PIK3AP1: variants seen among roughly 807,000 people sequenced by gnomAD.
PIK3AP1 encodes the protein phosphoinositide 3-kinase adapter protein 1.
PIK3AP1 carries 21 observed loss-of-function variants against 88.1 expected under a neutral mutation model. The ratio of observed to expected loss-of-function variants is 0.24; its 90% CI spans 0.17 to 0.34. PIK3AP1 has a LOEUF of 0.34. Among genes scored for constraint, PIK3AP1 ranks in the 10% least tolerant of loss-of-function variants. The pLI, the probability that PIK3AP1 is intolerant of heterozygous loss-of-function variation, is 1.00. For synonymous variants in PIK3AP1, 398 were observed against 400.0 expected (o/e 1.00, Z 0.06); for missense variants, 828 against 1,035.7 (o/e 0.80, Z 2.75).
chr10:96,621,529 A>C (rs1843083554), intron 11 of PIK3AP1: 1 of 152,288 alleles, frequency 6.6e-6, no homozygotes, highest in South Asian at 2.1e-4. Flanking sequence ...AGATGGTTTA[A>C]CTTAGTGATA....
At chr10:96,681,444 G>T (rs2134263547) in intron 2 of PIK3AP1, among the ~76,000 whole-genome samples, 1 of 152,284 alleles carries the variant, frequency 6.6e-6, no homozygotes, top group Middle Eastern at 3.4e-3. Flanking sequence ...CTAAACCAGG[G>T]CTGCTGGCTC....
intron 15 of PIK3AP1, among the ~76,000 whole-genome samples, chr10:96,603,371 G>A (rs539373218): frequency 6.6e-6 from 1 of 152,276 alleles, no homozygotes; most frequent in Non-Finnish European, 1.5e-5. Flanking sequence ...TGTCTGTGAG[G>A]GTGTTGCCAA....
intron 2 of PIK3AP1, among the ~76,000 whole-genome samples, chr10:96,670,870 C>T (rs74151402): frequency 0.12 from 18,879 of 152,118 alleles, 1,974 homozygotes; most frequent in African/African-American, 0.27. Flanking sequence ...CATCCCACCC[C>T]GAGCAAGCGC....
intron 7 of PIK3AP1, among the ~76,000 whole-genome samples, chr10:96,646,847 T>C (rs1404881642): frequency 1.3e-5 from 2 of 152,202 alleles, no homozygotes; most frequent in African/African-American, 4.8e-5. Flanking sequence ...CAACTTTTCC[T>C]GGTAAGAAAC....
chr10:96,639,315 G>A (rs561125771), intron 8 of PIK3AP1, among the ~76,000 whole-genome samples: 1 of 152,292 alleles, frequency 6.6e-6, no homozygotes, highest in East Asian at 1.9e-4. Flanking sequence ...AACACCTATT[G>A]TGTACAGCAC....
intron 10 of PIK3AP1, among the ~76,000 whole-genome samples, chr10:96,623,922 T>C (rs1396284283): frequency 1.3e-5 from 2 of 152,178 alleles, no homozygotes; most frequent in Non-Finnish European, 2.9e-5. Context: ...CTCTAAGCAG[T>C]AGAACAGCAA....
chr10:96,653,172 C>T (rs192306475), intron 3 of PIK3AP1, among the ~76,000 whole-genome samples: 246 of 151,846 alleles, frequency 1.6e-3, no homozygotes, highest in African/African-American at 5.7e-3. Flanking sequence ...TTTGGGAGGC[C>T]GAGGTGGGTG....
chr10:96,652,119 A>G (rs1028172473), intron 4 of PIK3AP1, among the ~76,000 whole-genome samples: 1 of 152,196 alleles, frequency 6.6e-6, no homozygotes, highest in Non-Finnish European at 1.5e-5. Context: ...GCGGGATGCT[A>G]TACCACAGGA....
Position 96,595,647 on chromosome 10 carries a change from A to G in PIK3AP1, c.2361-13T>C, listed in dbSNP as rs1414770060. 1 of 1,612,278 alleles carries G rather than the reference A, an allele frequency of 6.2e-7. No homozygotes were observed. Among genetic ancestry groups the G allele is most frequent in the Middle Eastern group, 1.7e-4 (1 of 6,048 alleles). ...CCTGGTCGGAGGCCTAAAATGAAAG[A>G]TAAGGCAACTCTATTTAAAAACTAA... On this transcript the variant is annotated splice_polypyrimidine_tract_variant and intron_variant, in intron 16 of 16. Transcript: ENST00000339364.
chr10:96,640,532 A>G (rs1258831956), intron 8 of PIK3AP1, among the ~76,000 whole-genome samples: 1 of 152,234 alleles, frequency 6.6e-6, no homozygotes, highest in Non-Finnish European at 1.5e-5. Context: ...AGATGAGGAG[A>G]TAGTGAAAAC....
intron 8 of PIK3AP1, among the ~76,000 whole-genome samples, chr10:96,630,539 G>A (rs1463446653): frequency 6.6e-6 from 1 of 152,088 alleles, no homozygotes. Context: ...TCCTCATGGA[G>A]TTAGAAAACT....
At chr10:96,600,385 C>T (rs1206764715) in intron 16 of PIK3AP1, among the ~76,000 whole-genome samples, 1 of 152,210 alleles carries the variant, frequency 6.6e-6, no homozygotes, top group African/African-American at 2.4e-5. Flanking sequence ...TTGGTAAGCC[C>T]TCCAATCACC....
chr10:96,715,427 T>A (rs1010964954), intron 1 of PIK3AP1, among the ~76,000 whole-genome samples: 5 of 152,186 alleles, frequency 3.3e-5, no homozygotes, highest in African/African-American at 1.2e-4. Context: ...GCCTGAACTT[T>A]TAGTTATTAA....
chr10:96,616,018 G>A (rs893913397), intron 13 of PIK3AP1, among the ~76,000 whole-genome samples: 1 of 152,222 alleles, frequency 6.6e-6, no homozygotes, highest in East Asian at 1.9e-4. Flanking sequence ...CTATGCCAGA[G>A]GCTCTCTGTG....
Position 96,626,904 on chromosome 10 carries a change from G to A in PIK3AP1, c.1473C>T (p.Gly491=), listed in dbSNP as rs1157589350. 5 of 1,612,804 alleles carry A rather than the reference G, an allele frequency of 3.1e-6. No homozygotes were observed. The highest frequency in any genetic ancestry group is 4.2e-6 in the Non-Finnish European group (5 of 1,178,782). ...CCAGATTGGTCATTCCCATGCTGTTGCCTAGAAACGCAGAGAAAGGTGACT... is the reference window on the plus strand; with the variant it reads ...CCAGATTGGTCATTCCCATGCTGTTACCTAGAAACGCAGAGAAAGGTGACT... The part of the protein sequence containing the change: ...KDSMIRKFLE[G]NSMGMTNLER... Residue 491 remains glycine, a splice_region_variant and synonymous_variant, in exon 10 of 17, where the codon GGC becomes GGT. Coordinates refer to ENST00000339364, the MANE Select transcript of PIK3AP1 (RefSeq NM_152309.3).
intron 4 of PIK3AP1, among the ~76,000 whole-genome samples, chr10:96,652,402 T>C (rs1843551102): frequency 6.6e-6 from 1 of 152,008 alleles, no homozygotes; most frequent in African/African-American, 2.4e-5. Context: ...TGAAACTCCG[T>C]CTCTACTAAA....
chr10:96,670,436 A>C (rs1412363673), intron 2 of PIK3AP1, among the ~76,000 whole-genome samples: 1 of 152,224 alleles, frequency 6.6e-6, no homozygotes, highest in African/African-American at 2.4e-5. Context: ...AGGCTCCCCA[A>C]GAAATGGAAG....
chr10:96,626,680 G>T (rs766655894), intron 10 of PIK3AP1, 28 bp downstream of exon 10: 87 of 1,608,554 alleles, frequency 5.4e-5, no homozygotes, highest in Admixed American at 2.3e-4. Flanking sequence ...CAAAGACCCA[G>T]TTGGACATCA....
intron 2 of PIK3AP1, among the ~76,000 whole-genome samples, chr10:96,658,453 A>C (rs188730320): frequency 1.3e-5 from 2 of 152,274 alleles, no homozygotes; most frequent in Admixed American, 1.3e-4. Context: ...CTGTGCTTCC[A>C]CAACCATAAA....
Sources: allele counts gnomAD v4.1 joint callset (sites outside exome capture counted in the v4.1 genomes callset), GRCh38; gene constraint gnomAD v4.1.1; transcripts MANE v1.5; gene names NCBI Gene and HGNC (gene_info 2026-07-23, HGNC 2026-07-21).